METTL15: variants seen among roughly 807,000 people sequenced by gnomAD.
The protein encoded by METTL15 is methyltransferase 15, mitochondrial 12S rRNA N4-cytidine, also known as 12S rRNA N(4)-cytidine methyltransferase METTL15.
Under a neutral mutation model 38.3 loss-of-function variants are expected in METTL15, and 34 were observed. That is an observed-to-expected ratio of 0.89 (90% CI 0.68 to 1.18). METTL15 has a LOEUF of 1.18. Ranked by LOEUF, METTL15 falls within the 50% of genes most tolerant of loss-of-function variation. The pLI is 0.00. For missense variants in METTL15, 438 were observed against 498.4 expected, an observed-to-expected ratio of 0.88 and a Z score of 1.15; for synonymous variants, 162 against 170.9, an observed-to-expected ratio of 0.95 and a Z score of 0.41.
At chr11:28,235,945 G>C (rs1853941896) in intron 4 of METTL15, among the ~76,000 whole-genome samples, 1 of 151,446 alleles carries the variant, frequency 6.6e-6, no homozygotes, top group African/African-American at 2.4e-5. Context: ...CTGTGGGTTT[G>C]TCATAGATAG....
intron 6 of METTL15, among the ~76,000 whole-genome samples, chr11:28,476,663 C>T (rs1851349099): frequency 6.6e-6 from 1 of 152,070 alleles, no homozygotes; most frequent in South Asian, 2.1e-4. Flanking sequence ...AAGGGCAAGC[C>T]CTGGAATGCT....
chr11:28,245,098 C>A (rs1565197945), intron 4 of METTL15, among the ~76,000 whole-genome samples: 1 of 152,138 alleles, frequency 6.6e-6, no homozygotes, highest in Non-Finnish European at 1.5e-5. Flanking sequence ...GCTTCTCATA[C>A]TTTGGGCTGT....
chr11:28,362,594 T>C (rs1172046741), intron 5 of METTL15, among the ~76,000 whole-genome samples: 1 of 152,234 alleles, frequency 6.6e-6, no homozygotes, highest in African/African-American at 2.4e-5. Context: ...GTTATTTGGC[T>C]CTGTGTTTTT....
intron 4 of METTL15, among the ~76,000 whole-genome samples, chr11:28,264,673 C>T (rs542951879): frequency 1.3e-5 from 2 of 152,162 alleles, no homozygotes; most frequent in East Asian, 3.9e-4. Flanking sequence ...ATGCAATTTC[C>T]TTACTATATT....
intron 6 of METTL15, among the ~76,000 whole-genome samples, chr11:28,463,396 G>C (rs533636481): frequency 3.2e-4 from 49 of 152,108 alleles, no homozygotes; most frequent in African/African-American, 1.1e-3. Flanking sequence ...AGATCTCTCA[G>C]GGACAAATTT....
intron 6 of METTL15, among the ~76,000 whole-genome samples, chr11:28,301,201 A>G (rs1483561231): frequency 6.6e-6 from 1 of 152,050 alleles, no homozygotes; most frequent in Admixed American, 6.6e-5. Flanking sequence ...TCTTTCCAGC[A>G]CACCATAGTC....
intron 4 of METTL15, among the ~76,000 whole-genome samples, chr11:28,240,354 A>T (rs1334991650): frequency 6.6e-6 from 1 of 152,214 alleles, no homozygotes; most frequent in East Asian, 1.9e-4. Flanking sequence ...ATAATCAAGG[A>T]TTTTAACATA....
chr11:28,383,629 T>A (rs561470966), intron 5 of METTL15, among the ~76,000 whole-genome samples: 1 of 152,230 alleles, frequency 6.6e-6, no homozygotes, highest in Admixed American at 6.5e-5. Flanking sequence ...CCAGCATCTG[T>A]TATTTTTGAC....
At chr11:28,300,021 A>T (rs531855027) in intron 6 of METTL15, among the ~76,000 whole-genome samples, 1 of 152,246 alleles carries the variant, frequency 6.6e-6, no homozygotes, top group East Asian at 1.9e-4. Flanking sequence ...CACTTAATCC[A>T]GTATATCCTA....
intron 6 of METTL15, among the ~76,000 whole-genome samples, chr11:28,443,422 T>G (rs185553332): frequency 9.9e-4 from 151 of 152,278 alleles, no homozygotes; most frequent in African/African-American, 1.9e-3. Flanking sequence ...CTCTTCATAG[T>G]GATATCATCA....
At chr11:28,218,585 C>T (rs962187208) in intron 4 of METTL15, among the ~76,000 whole-genome samples, 1 of 152,258 alleles carries the variant, frequency 6.6e-6, no homozygotes, top group Admixed American at 6.5e-5. Flanking sequence ...GCCAGAACTT[C>T]CAACACTGTG....
At chr11:28,361,376 A>T (rs556731051) in intron 4 of METTL15, among the ~76,000 whole-genome samples, 11 of 152,104 alleles carry the variant, frequency 7.2e-5, no homozygotes, top group Middle Eastern at 3.4e-3. Context: ...ATGGTATCTC[A>T]TTGTGGTTTT....
chr11:28,469,108 T>C (rs1156590033), intron 6 of METTL15, among the ~76,000 whole-genome samples: 1 of 152,204 alleles, frequency 6.6e-6, no homozygotes, highest in Admixed American at 6.5e-5. Context: ...ATGTGTGATC[T>C]TGCATTTTTA....
At chr11:28,352,321 C>T (rs1194180865) in intron 4 of METTL15, among the ~76,000 whole-genome samples, 3 of 152,096 alleles carry the variant, frequency 2.0e-5, no homozygotes, top group African/African-American at 7.2e-5. Flanking sequence ...TGTCTACCCC[C>T]TAGCCTGTGA....
chr11:28,253,887 T>C (rs1057123534), intron 4 of METTL15, among the ~76,000 whole-genome samples: 13 of 152,194 alleles, frequency 8.5e-5, no homozygotes, highest in Non-Finnish European at 1.5e-4. Context: ...TATTTGTTGA[T>C]GGACACTTGG....
At chr11:28,296,660 G>A (rs1328472578) in intron 5 of METTL15, 93 bp from the exon 6 acceptor site, 3 of 1,303,718 alleles carry the variant, frequency 2.3e-6, no homozygotes, top group South Asian at 2.6e-5. Context: ...GAGTATGTGT[G>A]TGTGTCTGAC....
intron 3 of METTL15, among the ~76,000 whole-genome samples, chr11:28,155,887 T>C (rs968826446): frequency 1.3e-5 from 2 of 152,198 alleles, no homozygotes; most frequent in African/African-American, 4.8e-5. Context: ...AAGAATCTTA[T>C]AAGGATTACA....
At chr11:28,445,505 C>G (rs1352857396) in intron 6 of METTL15, among the ~76,000 whole-genome samples, 2 of 152,010 alleles carry the variant, frequency 1.3e-5, no homozygotes, top group African/African-American at 2.4e-5. Context: ...TTCAATAATG[C>G]CTTCTATACC....
At chr11:28,259,033 C>T (rs1208655640) in intron 4 of METTL15, among the ~76,000 whole-genome samples, 1 of 152,106 alleles carries the variant, frequency 6.6e-6, no homozygotes, top group African/African-American at 2.4e-5. Flanking sequence ...GGGCCCTCTA[C>T]ATAGTACCTG....
Sources: allele counts gnomAD v4.1 joint callset (sites outside exome capture counted in the v4.1 genomes callset), GRCh38; gene constraint gnomAD v4.1.1; transcripts MANE v1.5; gene names NCBI Gene and HGNC (gene_info 2026-07-23, HGNC 2026-07-21).